MAP4K1: variants seen among roughly 807,000 people sequenced by gnomAD.
The protein encoded by MAP4K1 is mitogen-activated protein kinase kinase kinase kinase 1.
A neutral mutation model predicts 122.8 loss-of-function variants in MAP4K1; 35 were observed. The ratio of observed to expected loss-of-function variants is 0.29; its 90% CI spans 0.22 to 0.38. The LOEUF is 0.38. Ranked by LOEUF, MAP4K1 falls within the 10% of genes least tolerant of loss-of-function variation. The probability of loss-of-function intolerance (pLI) is 1.00; values close to 1 mark genes in which losing one functional copy is unlikely to be tolerated. For synonymous variants in MAP4K1, 412 were observed against 421.3 expected, an observed-to-expected ratio of 0.98 and a Z score of 0.27; for missense variants, 791 against 1,072.6, an observed-to-expected ratio of 0.74 and a Z score of 3.67.
chr19:38,595,008 G>A (rs1974829815), intron 29 of MAP4K1, among the ~76,000 whole-genome samples: 1 of 149,460 alleles, frequency 6.7e-6, no homozygotes. Flanking sequence ...AAATAGGCCG[G>A]GTGTGGTGGC....
At chr19:38,616,401 A>T (rs930588328) in intron 3 of MAP4K1, 142 bp from the exon 4 acceptor site, 20 of 571,100 alleles carry the variant, frequency 3.5e-5, no homozygotes, top group Middle Eastern at 3.4e-4. Flanking sequence ...CTCCTTGTCT[A>T]CCAGAGTGAG....
At position 38,617,509 on chromosome 19, in the gene MAP4K1, C is replaced by G; in HGVS notation, c.157+59G>C. 1 of 1,605,526 alleles carries G rather than the reference C, an allele frequency of 6.2e-7. No individual in the cohort carries two copies. The highest frequency in any genetic ancestry group is 1.7e-4 in the Middle Eastern group (1 of 6,044). On this transcript the variant is annotated intron_variant, in intron 2 of 30. Coordinates refer to ENST00000396857, the MANE Select transcript of MAP4K1 (RefSeq NM_001042600.3). This position sits in a 1 kb window ranked among gnomAD's most constrained non-coding sequence, Gnocchi z 4.1. Reference sequence around the variant, plus strand: ...GAGAGAGCTACAGGGGAGGTGATCCCAGTGTCCCAGGAGGCGAAGGTGGGG... The same window carrying G: ...GAGAGAGCTACAGGGGAGGTGATCCGAGTGTCCCAGGAGGCGAAGGTGGGG...
At chr19:38,604,098 C>A (rs533524809) in intron 19 of MAP4K1, among the ~76,000 whole-genome samples, 10 of 132,686 alleles carry the variant, frequency 7.5e-5, no homozygotes, top group African/African-American at 2.0e-4. Flanking sequence ...TGCACTCCAG[C>A]AGCCTGGGCG....
intron 11 of MAP4K1, 42 bp from the exon 12 acceptor site, chr19:38,610,067 G>A (rs758462804): frequency 1.4e-6 from 2 of 1,391,448 alleles, no homozygotes; most frequent in Admixed American, 1.7e-5. Flanking sequence ...GGGATGGTGT[G>A]GACAGAGAGG....
At chr19:38,605,354 CAG>C in intron 19 of MAP4K1, 53 bp downstream of exon 19, 2 of 1,372,720 alleles carry the variant, frequency 1.5e-6, no homozygotes, top group Non-Finnish European at 2.0e-6. Flanking sequence ...CCCACCCCAC[CAG>C]GCATCCCCAG....
Position 38,596,466 on chromosome 19 carries a change from C to A in MAP4K1, c.1962G>T (p.Pro654=). ...LLVRQVLFPL[P]TPLSVFALLT... ...GCAGCGCGAACACGGACAGAGGCGT[C>A]GGCAGTGGGAACAGCACCTGCTGCG... is the stretch of plus-strand genomic sequence containing the variant. Residue 654 remains proline (P), a synonymous_variant, in exon 26 of 31, where the codon CCG becomes CCT. Transcript: ENST00000396857. 6.4e-7 allele frequency: 1 copy of A among 1,572,520 alleles called. No homozygotes were observed.
chr19:38,599,329 CTGAG>C (rs1359590251), intron 22 of MAP4K1, among the ~76,000 whole-genome samples: 1 of 125,538 alleles, frequency 8.0e-6, no homozygotes, highest in East Asian at 2.4e-4. Context: ...GCCTGGGCAA[CTGAG>C]TGAGACTCGG....
Position 38,595,733 on chromosome 19 carries a change from G to A in MAP4K1, c.2180-4C>T, listed in dbSNP as rs750243172. On this transcript the variant is annotated splice_polypyrimidine_tract_variant and splice_region_variant and intron_variant, in intron 27 of 30. Transcript: ENST00000396857. ...GGGGTCACCAGCTTCACAGAGCCTG[G>A]AAGGAGATAGACGGTTTTAAGAACT... The A allele has an allele frequency of 1.2e-5, 19 of 1,592,744 alleles. No individual in the cohort carries two copies. The South Asian group carries it at 2.1e-4, about 18-fold the overall frequency.
At position 38,608,175 on chromosome 19, in the gene MAP4K1, G is replaced by A. The variant is rs758998374; in HGVS notation, c.1007-5C>T. On this transcript the variant is annotated splice_polypyrimidine_tract_variant and splice_region_variant and intron_variant, in intron 13 of 30. Coordinates refer to ENST00000396857, the MANE Select transcript of MAP4K1 (RefSeq NM_001042600.3). ...TCCTGAACTCCATGTGCCGCCCTAGGGTGGGTGGGGGAAGATAACCTGCTG... is the reference window on the plus strand; with the variant it reads ...TCCTGAACTCCATGTGCCGCCCTAGAGTGGGTGGGGGAAGATAACCTGCTG... 107 of 1,508,314 alleles carry A rather than the reference G, an allele frequency of 7.1e-5. 1 individual carries two copies. Among genetic ancestry groups the A allele is most frequent in the Middle Eastern group, 3.7e-4 (2 of 5,408 alleles). 93.4% of individuals were successfully genotyped at this position (1,508,314 alleles called of 1,614,324 possible).
intron 19 of MAP4K1, among the ~76,000 whole-genome samples, chr19:38,602,874 ATATATACT>A (rs1389899532): frequency 1.3e-5 from 2 of 148,604 alleles, no homozygotes; most frequent in African/African-American, 2.4e-5. Context: ...ACACATGTAC[ATATATACT>A]TATATACACA....
At chr19:38,607,734 C>T in intron 16 of MAP4K1, 130 bp downstream of exon 16, 1 of 1,017,404 alleles carries the variant, frequency 9.8e-7, no homozygotes, top group Non-Finnish European at 1.5e-6. Context: ...AATCAGGGCT[C>T]AGGGCTCGGG....
intron 30 of MAP4K1, among the ~76,000 whole-genome samples, chr19:38,590,888 A>C (rs2145929239): frequency 6.6e-6 from 1 of 152,124 alleles, no homozygotes; most frequent in South Asian, 2.1e-4. Flanking sequence ...GCTTTGATTC[A>C]GGAAACATAC....
chr19:38,595,781 C>G (rs1477919629), intron 27 of MAP4K1, 52 bp from the exon 28 acceptor site: 2 of 1,512,190 alleles, frequency 1.3e-6, no homozygotes, highest in Non-Finnish European at 1.8e-6. Flanking sequence ...TAGAGGGTTA[C>G]TAAGGGACCA....
chr19:38,600,558 C>G (rs1975030156), intron 20 of MAP4K1, among the ~76,000 whole-genome samples: 1 of 152,100 alleles, frequency 6.6e-6, no homozygotes, highest in African/African-American at 2.4e-5. Flanking sequence ...CCAGTGTGAC[C>G]TGTTCCTTTA....
chr19:38,596,024 G>C, intron 26 of MAP4K1, 23 bp from the exon 27 acceptor site: 1 of 1,608,506 alleles, frequency 6.2e-7, no homozygotes. Context: ...AGTGGGTTAA[G>C]GATTGACCCC....
At chr19:38,610,753 G>C (rs1975472741) in intron 11 of MAP4K1, among the ~76,000 whole-genome samples, 1 of 152,154 alleles carries the variant, frequency 6.6e-6, no homozygotes, top group African/African-American at 2.4e-5. Context: ...GGGGCTAGGA[G>C]AATTCCAGAG....
chr19:38,617,841 G>A lies in MAP4K1; in HGVS notation c.55C>T (p.Leu19=). ...FNRDPRDHYD[L]LQRLGGGTYG... is the part of the protein sequence containing the mutation. ...GTGCCGCCACCCAGCCGCTGTAGCA[G>A]GTCATAGTGGTCCCGGGGGTCTCTA... The change falls in exon 1 of 31, where the codon CTG becomes TTG. Residue 19 remains leucine, a synonymous_variant. Transcript: ENST00000396857. This position sits in a 1 kb window ranked among gnomAD's most constrained non-coding sequence, Gnocchi z 4.1. 4 of 1,614,180 alleles carry A rather than the reference G, an allele frequency of 2.5e-6. No individual in the cohort carries two copies. Among genetic ancestry groups the A allele is most frequent in the South Asian group, 1.1e-5 (1 of 91,088 alleles).
rs377001789 is a variant in MAP4K1, at chr19:38,617,480, T to C, written c.158-36A>G. 4.4e-6 allele frequency: 7 copies of C among 1,591,924 alleles called. No individual in the cohort carries two copies. In the African/African-American group the frequency reaches 8.1e-5, roughly 18 times the overall value. On this transcript the variant is annotated intron_variant, in intron 2 of 30. Coordinates refer to ENST00000396857, the MANE Select transcript of MAP4K1 (RefSeq NM_001042600.3). This position sits in a 1 kb window ranked among gnomAD's most constrained non-coding sequence, Gnocchi z 4.1. ...GGCGGGAGAGAAAAGGCAGCTCGCA[T>C]GGGGAGAGAGCTACAGGGGAGGTGA...
chr19:38,616,979 G>A (rs1975664456), intron 3 of MAP4K1, among the ~76,000 whole-genome samples: 1 of 152,052 alleles, frequency 6.6e-6, no homozygotes, highest in African/African-American at 2.4e-5. Flanking sequence ...CAGGCGCGGT[G>A]GATCACACCT....
Sources: gnomAD v4.1 joint callset for allele counts (sites outside exome capture counted in the v4.1 genomes callset) on GRCh38, gnomAD v4.1.1 for gene constraint, Gnocchi (gnomAD v3.1) non-coding constraint, MANE v1.5 for transcripts, NCBI Gene and HGNC (gene_info 2026-07-23, HGNC 2026-07-21) for gene names.